NCOA2: variants seen among roughly 807,000 people sequenced by gnomAD.
The protein encoded by NCOA2 is nuclear receptor coactivator 2.
Under a neutral mutation model 145.1 loss-of-function variants are expected in NCOA2, and 21 were observed. The ratio of observed to expected loss-of-function variants is 0.14; its 90% CI spans 0.10 to 0.21. The LOEUF (loss-of-function observed/expected upper bound fraction) is 0.21. NCOA2 is among the 10% of genes least tolerant of loss of function. The probability of loss-of-function intolerance (pLI) is 1.00; values close to 1 mark genes in which losing one functional copy is unlikely to be tolerated. For missense variants in NCOA2, 1,472 were observed against 1,837.6 expected, an observed-to-expected ratio of 0.80 and a Z score of 3.64; for synonymous variants, 619 against 637.5, an observed-to-expected ratio of 0.97 and a Z score of 0.44.
intron 4 of NCOA2, among the ~76,000 whole-genome samples, chr8:70,199,268 TGA>T (rs1036857475): frequency 3.9e-4 from 59 of 151,858 alleles, no homozygotes; most frequent in African/African-American, 1.4e-3. Context: ...GCCAACATGA[TGA>T]AACCTTGTCT....
chr8:70,232,955 G>A (rs994419694), intron 2 of NCOA2, among the ~76,000 whole-genome samples: 15 of 151,646 alleles, frequency 9.9e-5, no homozygotes, highest in Admixed American at 9.2e-4. Flanking sequence ...GGCCAGGCGC[G>A]GTAGCTCATG....
In NCOA2 at chr8:70,226,348, TA is replaced by T. The variant is rs112426258; in HGVS notation, c.-19-9585del. On this transcript the variant is annotated intron_variant, in intron 2 of 22. Coordinates refer to ENST00000452400, the MANE Select transcript of NCOA2 (RefSeq NM_006540.4). ...GTGCTGCTGGGAAAAACAAACAAAC[TA>T]AAACCTAGGCAAACCAAACGGAATT... Among the ~76,000 whole-genome samples the T allele has an allele frequency of 3.1e-3, 466 of 152,044 alleles. 5 individuals are homozygous for T. The highest frequency in any genetic ancestry group is 0.011 in the African/African-American group (453 of 41,508).
intron 4 of NCOA2, among the ~76,000 whole-genome samples, chr8:70,201,365 T>G (rs1269454103): frequency 6.6e-6 from 1 of 152,178 alleles, no homozygotes; most frequent in Non-Finnish European, 1.5e-5. Context: ...CTAGCAATCA[T>G]AATCTCCAAG....
chr8:70,268,026 G>T (rs1824752329), intron 2 of NCOA2, among the ~76,000 whole-genome samples: 1 of 152,182 alleles, frequency 6.6e-6, no homozygotes, highest in Admixed American at 6.5e-5. Context: ...TGGTTTTTCA[G>T]AAGAATTATC....
At chr8:70,132,766 A>C (rs6987098) in intron 15 of NCOA2, among the ~76,000 whole-genome samples, 3,442 of 152,242 alleles carry the variant, frequency 0.023, 126 homozygotes, top group African/African-American at 0.078. Flanking sequence ...GCGTTTCGCC[A>C]TGTTACCCAC....
At chr8:70,375,473 T>C (rs1261925105) in intron 1 of NCOA2, among the ~76,000 whole-genome samples, 1 of 152,206 alleles carries the variant, frequency 6.6e-6, no homozygotes, top group Non-Finnish European at 1.5e-5. Flanking sequence ...AAACAGAATA[T>C]GCTATTTCAG....
the NCOA2 span, among the ~76,000 whole-genome samples, chr8:70,433,477 A>T: frequency 1.3e-5 from 2 of 152,162 alleles, no homozygotes; most frequent in African/African-American, 4.8e-5. Context: ...CCTCTGATTC[A>T]GACATTTTCA....
chr8:70,211,455 AAAAAAAAAAG>A (rs1177041873), intron 4 of NCOA2, among the ~76,000 whole-genome samples: 4 of 149,700 alleles, frequency 2.7e-5, no homozygotes, highest in South Asian at 2.1e-4. Flanking sequence ...CAAGACTCCA[AAAAAAAAAAG>A]AAAAAAAAAG....
At chr8:70,242,690 T>A (rs773704337) in intron 2 of NCOA2, among the ~76,000 whole-genome samples, 1 of 152,108 alleles carries the variant, frequency 6.6e-6, no homozygotes, top group Non-Finnish European at 1.5e-5. Context: ...AATTCAAATG[T>A]CTCTAAAATA....
chr8:70,406,393 A>G (rs1814781410), upstream of NCOA2, among the ~76,000 whole-genome samples: 1 of 152,234 alleles, frequency 6.6e-6, no homozygotes, highest in Non-Finnish European at 1.5e-5. Context: ...ATGTAAAATG[A>G]AAAGGTAGAG....
At chr8:70,374,358 G>T (rs1003026218) in intron 1 of NCOA2, among the ~76,000 whole-genome samples, 2 of 151,818 alleles carry the variant, frequency 1.3e-5, no homozygotes, top group Non-Finnish European at 2.9e-5. Flanking sequence ...TGTAATCTCA[G>T]CTACTAGGGA....
At chr8:70,454,994 G>C in the NCOA2 span, among the ~76,000 whole-genome samples, 3 of 152,144 alleles carry the variant, frequency 2.0e-5, no homozygotes, top group South Asian at 2.1e-4. Context: ...ACATACATTC[G>C]AGCAATAATG....
At chr8:70,231,478 AC>A (rs965506797) in intron 2 of NCOA2, among the ~76,000 whole-genome samples, 2 of 152,206 alleles carry the variant, frequency 1.3e-5, no homozygotes, top group African/African-American at 4.8e-5. Context: ...CTAATCAATC[AC>A]CCAAGGAGCT....
Position 70,149,396 on chromosome 8 carries a change from A to AT in NCOA2, c.2395-914dup, listed in dbSNP as rs200297345. On this transcript the variant is annotated intron_variant, in intron 11 of 22. Transcript: ENST00000452400. Reference sequence around the variant, plus strand: ...ACCACAGGCATGCACCACCACCACCATGTCTGGCTAATTTTTTGATTTTTT... The same window carrying AT: ...ACCACAGGCATGCACCACCACCACCATTGTCTGGCTAATTTTTTGATTTTTT... Among the ~76,000 whole-genome samples the AT allele has an allele frequency of 4.3e-3, 520 of 120,178 alleles. 5 individuals carry two copies. The highest frequency in any genetic ancestry group is 0.014 in the African/African-American group (497 of 36,742). 78.8% of individuals were successfully genotyped at this position (120,178 alleles called of 152,430 possible).
At chr8:70,268,709 A>G (rs1824807554) in intron 2 of NCOA2, among the ~76,000 whole-genome samples, 1 of 151,968 alleles carries the variant, frequency 6.6e-6, no homozygotes, top group South Asian at 2.1e-4. Flanking sequence ...ACGGGTTTTT[A>G]TTAATATTAA....
At chr8:70,374,758 T>A (rs1273368670) in intron 1 of NCOA2, among the ~76,000 whole-genome samples, 1 of 148,346 alleles carries the variant, frequency 6.7e-6, no homozygotes, top group Non-Finnish European at 1.5e-5. Flanking sequence ...GCTATGATCA[T>A]GCTACTGCAC....
intron 1 of NCOA2, among the ~76,000 whole-genome samples, chr8:70,361,084 T>G (rs539671093): frequency 5.3e-5 from 8 of 152,216 alleles, no homozygotes; most frequent in African/African-American, 1.9e-4. Context: ...TATGCCTAAA[T>G]CCACCATTGC....
intron 4 of NCOA2, among the ~76,000 whole-genome samples, chr8:70,175,811 T>C (rs1057364117): frequency 3.3e-5 from 5 of 152,180 alleles, no homozygotes; most frequent in East Asian, 1.9e-4. Flanking sequence ...AACGTAGAAA[T>C]AGAAAACTGT....
chr8:70,304,489 A>T (rs908121515), intron 1 of NCOA2, among the ~76,000 whole-genome samples: 1 of 150,434 alleles, frequency 6.6e-6, no homozygotes, highest in African/African-American at 2.4e-5. Context: ...TTTTTTTTAG[A>T]CAAGTCTTGC....
Sources: gnomAD v4.1 joint callset for allele counts (sites outside exome capture counted in the v4.1 genomes callset) on GRCh38, gnomAD v4.1.1 for gene constraint, MANE v1.5 for transcripts, NCBI Gene and HGNC (gene_info 2026-07-23, HGNC 2026-07-21) for gene names.